SHTN1: variants seen among roughly 807,000 people sequenced by gnomAD.
The protein encoded by SHTN1 is shootin 1, also known as shootin-1.
SHTN1 carries 42 observed loss-of-function variants against 83.1 expected under a neutral mutation model. That is an observed-to-expected ratio of 0.51 (90% CI 0.39 to 0.65). The LOEUF is 0.65. Among genes scored for constraint, SHTN1 ranks in the 30% least tolerant of loss-of-function variants. The pLI is 0.00. For missense variants in SHTN1, 622 were observed against 737.8 expected (o/e 0.84, Z 1.82); for synonymous variants, 224 against 247.7 (o/e 0.90, Z 0.90).
At position 116,979,411 on chromosome 10, in the gene SHTN1, G is replaced by T; in HGVS notation, c.59-103C>A. ...CCCATAGTCTTCTTACTAGGTTGAG[G>T]TAGGGTGGAGAAGAGGCTGCAGAAA... On this transcript the variant is annotated intron_variant, in intron 1 of 16. Coordinates refer to ENST00000355371, the MANE Select transcript of SHTN1 (RefSeq NM_001127211.3). 3.4e-6 allele frequency: 3 copies of T among 881,060 alleles called. No homozygotes were observed. In the South Asian group the frequency reaches 4.2e-5, roughly 12 times the overall value. The allele number at this position is 881,060 out of a possible 1,614,324, so 54.6% of individuals were successfully genotyped here.
rs990516433 is a variant in SHTN1 at position 117,020,943 on chromosome 10, C to T, written c.-123+27502G>A. Among the ~76,000 whole-genome samples the T allele has an allele frequency of 2.4e-4, 37 of 151,916 alleles. 1 individual carries two copies. The highest frequency in any genetic ancestry group is 9.8e-4 in the Admixed American group (15 of 15,254). Reference sequence around the variant, plus strand: ...ATCTAGGACATATAAAGAGCTTCTACTCAATAATAATACAACTCAGTAATT... The same window carrying T: ...ATCTAGGACATATAAAGAGCTTCTATTCAATAATAATACAACTCAGTAATT... On this transcript the variant is annotated intron_variant, in intron 2 of 17. Coordinates refer to the SHTN1 transcript ENST00000392901.
intron 11 of SHTN1, among the ~76,000 whole-genome samples, 200 bp downstream of exon 11, chr10:116,927,592 C>T (rs1024707384): frequency 3.3e-5 from 5 of 152,124 alleles, no homozygotes; most frequent in African/African-American, 7.2e-5. Flanking sequence ...TTACCTCCCA[C>T]GATACGTGAG....
chr10:117,028,384 G>A (rs1380764125), intron 2 of SHTN1, among the ~76,000 whole-genome samples: 1 of 152,142 alleles, frequency 6.6e-6, no homozygotes, highest in Non-Finnish European at 1.5e-5. Context: ...CCACTTTCAG[G>A]GGAGGAATTC....
chr10:116,904,552 T>C (rs1847884627), intron 15 of SHTN1, among the ~76,000 whole-genome samples: 1 of 152,178 alleles, frequency 6.6e-6, no homozygotes, highest in Non-Finnish European at 1.5e-5. Flanking sequence ...AGTTCTCATT[T>C]TTCTATTCAT....
intron 1 of SHTN1, among the ~76,000 whole-genome samples, chr10:117,069,918 A>G (rs535525305): frequency 5.3e-5 from 8 of 152,330 alleles, no homozygotes; most frequent in African/African-American, 1.9e-4. Flanking sequence ...TACATATTAC[A>G]AAGGCAAATG....
chr10:116,911,920 A>C, intron 13 of SHTN1, 77 bp from the exon 14 acceptor site: 1 of 1,008,896 alleles, frequency 9.9e-7, no homozygotes, highest in Non-Finnish European at 1.6e-6. Context: ...TACATGGCAA[A>C]CTATTAGTAG....
At chr10:116,937,403 T>G (rs916706961) in intron 9 of SHTN1, among the ~76,000 whole-genome samples, 4 of 152,196 alleles carry the variant, frequency 2.6e-5, no homozygotes, top group Non-Finnish European at 5.9e-5. Flanking sequence ...AAGGATTTTA[T>G]TTCTCCTTCG....
intron 4 of SHTN1, among the ~76,000 whole-genome samples, chr10:116,958,782 T>C (rs1192109177): frequency 6.6e-6 from 1 of 152,234 alleles, no homozygotes; most frequent in African/African-American, 2.4e-5. Flanking sequence ...GTCCATCATG[T>C]CATTTAAGAT....
intron 3 of SHTN1, among the ~76,000 whole-genome samples, chr10:116,960,717 A>C (rs1255460344): frequency 6.6e-6 from 1 of 152,212 alleles, no homozygotes; most frequent in African/African-American, 2.4e-5. Flanking sequence ...GACTTGGCTA[A>C]GTACTGCAAC....
At chr10:117,075,290 C>T (rs1203646864) in intron 1 of SHTN1, among the ~76,000 whole-genome samples, 1 of 152,164 alleles carries the variant, frequency 6.6e-6, no homozygotes, top group African/African-American at 2.4e-5. Flanking sequence ...TTGTTCATTC[C>T]TGCCCTGAGT....
At chr10:117,002,504 T>C (rs1223971379) in intron 1 of SHTN1, among the ~76,000 whole-genome samples, 1 of 152,200 alleles carries the variant, frequency 6.6e-6, no homozygotes, top group African/African-American at 2.4e-5. Flanking sequence ...AATATTAACA[T>C]TGTGAGTAAA....
At chr10:116,973,991 A>T in intron 2 of SHTN1, 1 of 1,157,612 alleles carries the variant, frequency 8.6e-7, no homozygotes, top group Non-Finnish European at 1.1e-6. Context: ...ATCCCTAAAG[A>T]ATACAACACA....
At chr10:117,035,416 T>C (rs1457034881) in intron 2 of SHTN1, among the ~76,000 whole-genome samples, 2 of 152,142 alleles carry the variant, frequency 1.3e-5, no homozygotes, top group South Asian at 2.1e-4. Context: ...TCTAGGACAC[T>C]GGTCTGAGCA....
At chr10:116,932,370 G>A (rs1017571551) in intron 9 of SHTN1, among the ~76,000 whole-genome samples, 6 of 152,180 alleles carry the variant, frequency 3.9e-5, no homozygotes, top group Non-Finnish European at 7.3e-5. Flanking sequence ...ACCCTATTGT[G>A]AACTGCACAC....
chr10:116,936,940 C>A (rs540599616), intron 9 of SHTN1, among the ~76,000 whole-genome samples: 1 of 152,156 alleles, frequency 6.6e-6, no homozygotes, highest in South Asian at 2.1e-4. Context: ...CTCTTTTCAT[C>A]TTTGTTGGTT....
At position 116,994,534 on chromosome 10, in the gene SHTN1, G is replaced by A. The variant is rs201149631; in HGVS notation, c.58+10488C>T. Among the ~76,000 whole-genome samples the A allele has an allele frequency of 3.3e-5, 5 of 151,950 alleles. No homozygotes were observed. The East Asian group carries it at 9.6e-4, about 29-fold the overall frequency. On this transcript the variant is annotated intron_variant, in intron 1 of 16. Coordinates refer to ENST00000355371, the MANE Select transcript of SHTN1 (RefSeq NM_001127211.3). Reference sequence around the variant, plus strand: ...GAGAGAGAAGGGGAAAGAGGGAAGGGGAAGGGGAGATTCTGTGTTTCATCA... The same window carrying A: ...GAGAGAGAAGGGGAAAGAGGGAAGGAGAAGGGGAGATTCTGTGTTTCATCA...
At chr10:116,965,516 CA>C (rs1269172297) in intron 3 of SHTN1, among the ~76,000 whole-genome samples, 2 of 152,046 alleles carry the variant, frequency 1.3e-5, no homozygotes, top group Non-Finnish European at 2.9e-5. Context: ...GACTCCGTCT[CA>C]AAAAAAGATG....
At chr10:117,032,257 G>A (rs1852427721) in intron 2 of SHTN1, among the ~76,000 whole-genome samples, 1 of 152,094 alleles carries the variant, frequency 6.6e-6, no homozygotes, top group Non-Finnish European at 1.5e-5. Flanking sequence ...AGGCTGGAGT[G>A]CAGTGGCGCG....
chr10:117,106,702 T>A (rs550899651), intron 1 of SHTN1, among the ~76,000 whole-genome samples: 1 of 152,278 alleles, frequency 6.6e-6, no homozygotes, highest in African/African-American at 2.4e-5. Context: ...CAGCTACTTT[T>A]CAAACCTCAC....
Sources: allele counts gnomAD v4.1 joint callset (sites outside exome capture counted in the v4.1 genomes callset), GRCh38; gene constraint gnomAD v4.1.1; transcripts MANE v1.5; gene names NCBI Gene and HGNC (gene_info 2026-07-23, HGNC 2026-07-21).